Variants in CLXN observed in about 807,000 individuals in gnomAD.
CLXN encodes the protein calaxin.
chr8:48,716,462 C>G, the CLXN span: 2 of 152,420 alleles, frequency 1.3e-5, no homozygotes, highest in Admixed American at 1.3e-4. Context: ...AAGGGCTCCT[C>G]AAGCGCGGAC....
At chr8:48,719,018 G>A in the CLXN span, among the ~76,000 whole-genome samples, 1 of 151,042 alleles carries the variant, frequency 6.6e-6, no homozygotes, top group Non-Finnish European at 1.5e-5. Flanking sequence ...GTTTTTTGAA[G>A]AGATAAACAA....
the CLXN span, among the ~76,000 whole-genome samples, chr8:48,726,467 C>CTACT: frequency 6.7e-6 from 1 of 148,378 alleles, no homozygotes. Context: ...ACCCATCAAT[C>CTACT]CATCTCATCC....
the CLXN span, chr8:48,731,388 A>G: frequency 6.2e-7 from 1 of 1,613,358 alleles, no homozygotes; most frequent in Non-Finnish European, 8.5e-7. Flanking sequence ...CAAATGTCAC[A>G]TGCAGGATGT....
the CLXN span, chr8:48,730,611 C>T: frequency 1.2e-6 from 2 of 1,611,640 alleles, no homozygotes; most frequent in African/African-American, 2.7e-5. Flanking sequence ...TACATTTACA[C>T]AGCCATCATT....
chr8:48,724,805 TA>T, the CLXN span: 9 of 1,608,054 alleles, frequency 5.6e-6, no homozygotes, highest in South Asian at 1.1e-5. Context: ...TCTGGCTCTG[TA>T]AAAAAAGGTA....
the CLXN span, among the ~76,000 whole-genome samples, chr8:48,719,895 A>C: frequency 6.6e-6 from 1 of 152,216 alleles, no homozygotes; most frequent in Admixed American, 6.5e-5. Flanking sequence ...TAGTACTGGA[A>C]GTTCTAGCCA....
the CLXN span, chr8:48,728,934 C>G: frequency 1.5e-6 from 1 of 687,546 alleles, no homozygotes; most frequent in Non-Finnish European, 2.3e-6. Flanking sequence ...AAAAGGTATT[C>G]TTTCTTGGTG....
chr8:48,728,834 C>G, the CLXN span, among the ~76,000 whole-genome samples: 5 of 152,266 alleles, frequency 3.3e-5, no homozygotes, highest in Admixed American at 6.5e-5. Flanking sequence ...TTGTTTCTGA[C>G]ATGAATGAGT....
the CLXN span, chr8:48,711,613 T>C: frequency 3.3e-5 from 5 of 152,212 alleles, no homozygotes; most frequent in African/African-American, 1.2e-4. Context: ...GAGGAATCAA[T>C]GATCTCACAA....
the CLXN span, among the ~76,000 whole-genome samples, chr8:48,726,310 T>G: frequency 1.4e-5 from 2 of 138,050 alleles, no homozygotes; most frequent in Non-Finnish European, 3.1e-5. Flanking sequence ...TATCCATCCA[T>G]GTACCTACAC....
At chr8:48,715,479 C>T in the CLXN span, 12 of 152,194 alleles carry the variant, frequency 7.9e-5, no homozygotes, top group African/African-American at 2.4e-4. Flanking sequence ...TCATCTTCTA[C>T]CCTGGCACAG....
the CLXN span, among the ~76,000 whole-genome samples, chr8:48,723,001 G>A: frequency 2.6e-5 from 4 of 152,116 alleles, no homozygotes; most frequent in Admixed American, 6.5e-5. Flanking sequence ...ATAGCAGGGT[G>A]GGGCAAAATG....
At chr8:48,732,242 C>T in the CLXN span, among the ~76,000 whole-genome samples, 1 of 152,112 alleles carries the variant, frequency 6.6e-6, no homozygotes, top group African/African-American at 2.4e-5. Context: ...ATTGCCTGGT[C>T]TTGATAATAT....
the CLXN span, chr8:48,730,611 C>G: frequency 1.2e-6 from 2 of 1,611,640 alleles, no homozygotes; most frequent in South Asian, 2.2e-5. Flanking sequence ...TACATTTACA[C>G]AGCCATCATT....
the CLXN span, among the ~76,000 whole-genome samples, chr8:48,734,908 C>T: frequency 6.6e-6 from 1 of 152,148 alleles, no homozygotes; most frequent in Non-Finnish European, 1.5e-5. Flanking sequence ...TAAGATCAAA[C>T]GCAAGGAGCT....
chr8:48,721,224 T>TA, the CLXN span, among the ~76,000 whole-genome samples: 10 of 151,530 alleles, frequency 6.6e-5, no homozygotes, highest in Non-Finnish European at 1.0e-4. Flanking sequence ...AGCAAAAAAA[T>TA]AAAAAATAGT....
At chr8:48,721,547 A>T in the CLXN span, among the ~76,000 whole-genome samples, 1 of 152,234 alleles carries the variant, frequency 6.6e-6, no homozygotes, top group Non-Finnish European at 1.5e-5. Flanking sequence ...ATACTTCCTG[A>T]TTTCAAAATA....
the CLXN span, chr8:48,724,462 G>A: frequency 7.7e-6 from 2 of 260,818 alleles, no homozygotes; most frequent in Non-Finnish European, 7.2e-6. Context: ...GAACCCAAAG[G>A]TTTTATGCCA....
chr8:48,728,718 T>A, the CLXN span, among the ~76,000 whole-genome samples: 8 of 152,242 alleles, frequency 5.3e-5, no homozygotes, highest in Non-Finnish European at 1.5e-5. Flanking sequence ...ATTATAATAA[T>A]ATGTATCATA....
Sources: allele counts gnomAD v4.1 joint callset (sites outside exome capture counted in the v4.1 genomes callset), GRCh38; gene constraint gnomAD v4.1.1; transcripts MANE v1.5; gene names NCBI Gene and HGNC (gene_info 2026-07-23, HGNC 2026-07-21).